Variants in SBF2 observed in about 807,000 individuals in gnomAD.
SBF2 encodes myotubularin-related protein 13.
SBF2 carries 112 observed loss-of-function variants against 225.2 expected under a neutral mutation model. That is an observed-to-expected ratio of 0.50 (90% CI 0.43 to 0.58). The LOEUF (loss-of-function observed/expected upper bound fraction) is 0.58, where lower values mean the gene tolerates loss of function less well. SBF2 is among the 20% of genes least tolerant of loss of function. SBF2 has a pLI of 0.00. For synonymous variants in SBF2, 763 were observed against 773.3 expected (o/e 0.99, Z 0.22); for missense variants, 1,996 against 2,206.2 (o/e 0.90, Z 1.91).
intron 1 of SBF2, among the ~76,000 whole-genome samples, chr11:10,228,969 A>G (rs1958702728): frequency 6.6e-6 from 1 of 151,866 alleles, no homozygotes; most frequent in Admixed American, 6.6e-5. Flanking sequence ...TTTGGTTGGT[A>G]AGCTATTAAT....
chr11:9,860,261 G>GTT (rs66485704), intron 17 of SBF2, among the ~76,000 whole-genome samples: 12,523 of 127,304 alleles, frequency 0.098, 850 homozygotes, highest in Middle Eastern at 0.15. Flanking sequence ...TTTTGAAACA[G>GTT]TTTTTTTTTT....
intron 1 of SBF2, among the ~76,000 whole-genome samples, chr11:10,228,867 G>T (rs1296803495): frequency 1.3e-5 from 2 of 152,002 alleles, no homozygotes; most frequent in South Asian, 2.1e-4. Context: ...TTTTTCCATT[G>T]ATTGGAATAG....
At chr11:10,006,749 A>G (rs769151543) in intron 6 of SBF2, among the ~76,000 whole-genome samples, 1 of 152,172 alleles carries the variant, frequency 6.6e-6, no homozygotes, top group Non-Finnish European at 1.5e-5. Flanking sequence ...CCATTTCTCT[A>G]ATCACTTCCA....
chr11:9,986,797 A>G (rs1032525285), intron 13 of SBF2, among the ~76,000 whole-genome samples: 6 of 152,018 alleles, frequency 3.9e-5, no homozygotes, highest in African/African-American at 1.4e-4. Flanking sequence ...AATTACCAAC[A>G]AAAAAAAGTC....
At chr11:9,923,724 C>G (rs572272743) in intron 16 of SBF2, among the ~76,000 whole-genome samples, 1 of 152,234 alleles carries the variant, frequency 6.6e-6, no homozygotes, top group African/African-American at 2.4e-5. Context: ...AATGTAACCC[C>G]TTATTGGCAA....
intron 2 of SBF2, among the ~76,000 whole-genome samples, chr11:10,058,325 G>A (rs1445901862): frequency 6.6e-6 from 1 of 152,108 alleles, no homozygotes; most frequent in Non-Finnish European, 1.5e-5. Context: ...GAACCTAACA[G>A]GTCTGATAGA....
At chr11:10,196,078 C>G (rs1433871853) in intron 1 of SBF2, among the ~76,000 whole-genome samples, 3 of 152,172 alleles carry the variant, frequency 2.0e-5, no homozygotes, top group Admixed American at 2.0e-4. Flanking sequence ...ATCGTAAGCT[C>G]AATGATAGAA....
Position 9,998,249 on chromosome 11 carries a change from AC to A in SBF2, c.975+16del. 7.1e-7 allele frequency: 1 copy of A among 1,405,520 alleles called. No individual in the cohort carries two copies. The highest frequency in any genetic ancestry group is 2.3e-5 in the East Asian group (1 of 43,790). The allele number at this position is 1,405,520 out of a possible 1,614,324, so 87.1% of individuals were successfully genotyped here. A position where few individuals can be genotyped will look rare whatever the true frequency, so the allele number is the denominator to read the frequency against. On this transcript the variant is annotated intron_variant, in intron 9 of 39. Transcript: ENST00000256190. ...TTTAAATAAAGAGAAAGTTACTATT[AC>A]AAAAATATGTCATACCAAAGAAAGA... is the stretch of plus-strand genomic sequence containing the variant.
At chr11:10,063,475 A>G (rs1048319733) in intron 2 of SBF2, among the ~76,000 whole-genome samples, 2 of 151,148 alleles carry the variant, frequency 1.3e-5, no homozygotes, top group East Asian at 1.9e-4. Flanking sequence ...CTCCTGCCTC[A>G]GCCTCCCGAG....
intron 2 of SBF2, among the ~76,000 whole-genome samples, chr11:10,083,790 G>A (rs1951453728): frequency 6.6e-6 from 1 of 151,970 alleles, no homozygotes; most frequent in Admixed American, 6.6e-5. Context: ...AGAAAACGTA[G>A]GAAAAACTCT....
intron 13 of SBF2, among the ~76,000 whole-genome samples, chr11:9,979,809 T>G (rs1246114214): frequency 6.7e-6 from 1 of 148,602 alleles, no homozygotes; most frequent in Non-Finnish European, 1.5e-5. Context: ...ATTAAATTCA[T>G]CTTTTTTTTT....
At chr11:10,185,472 G>C (rs190144434) in intron 2 of SBF2, among the ~76,000 whole-genome samples, 166 of 151,998 alleles carry the variant, frequency 1.1e-3, no homozygotes, top group African/African-American at 3.9e-3. Context: ...GCTTTTTTTA[G>C]AGTTGGAATC....
At chr11:10,270,015 TA>T (rs1198667610) in intron 1 of SBF2, among the ~76,000 whole-genome samples, 1 of 152,174 alleles carries the variant, frequency 6.6e-6, no homozygotes, top group Non-Finnish European at 1.5e-5. Context: ...AAAATCTGGC[TA>T]GAACAATTCA....
In SBF2 at chr11:9,780,004, T is replaced by C. The variant is rs1851911483; in HGVS notation, c.*414A>G. On this transcript the variant is annotated 3_prime_UTR_variant, in exon 40 of 40. Coordinates refer to ENST00000256190, the MANE Select transcript of SBF2 (RefSeq NM_030962.4). ...CTAGTCCAGGTAGAATATGAGACAA[T>C]CTTGGAGGGTTTTGATTTTTGCTTG... 4 of 280,728 alleles carry C rather than the reference T, an allele frequency of 1.4e-5. No individual in the cohort carries two copies. The South Asian group carries it at 1.6e-4, about 11-fold the overall frequency. The allele number at this position is 280,728 out of a possible 1,614,324, so 17.4% of individuals were successfully genotyped here.
rs1964355306 is a variant in SBF2 at position 10,294,062 on chromosome 11, C to T, written c.8G>A (p.Arg3Gln). The change falls in exon 1 of 40, where the codon CGG becomes CAG. Residue 3 changes from arginine (R) to glutamine (Q), a missense_variant. Arg to Gln is a conservative substitution (Grantham distance 43). Coordinates refer to ENST00000256190, the MANE Select transcript of SBF2 (RefSeq NM_030962.4). ...TACCACGATGAAGTAGTCAGCCAGC[C>T]GGGCCATGGCCGCCGCCGCCGCGCT... Reference protein sequence around the residue: MARLADYFIVVGY... With the variant: MAQLADYFIVVGY... 3 of 1,385,632 alleles carry T rather than the reference C, an allele frequency of 2.2e-6. No individual in the cohort carries two copies. Among genetic ancestry groups the T allele is most frequent in the African/African-American group, 1.5e-5 (1 of 66,374 alleles). The allele number at this position is 1,385,632 out of a possible 1,614,324, so 85.8% of individuals were successfully genotyped here. A position where few individuals can be genotyped will look rare whatever the true frequency, so the allele number is the denominator to read the frequency against.
intron 16 of SBF2, among the ~76,000 whole-genome samples, chr11:9,956,084 T>G (rs762621523): frequency 1.3e-5 from 2 of 152,154 alleles, no homozygotes; most frequent in Non-Finnish European, 2.9e-5. Flanking sequence ...TTCATCTACA[T>G]CATCCTTTGT....
chr11:9,938,481 A>AG (rs1156382985), intron 16 of SBF2, among the ~76,000 whole-genome samples: 1 of 151,842 alleles, frequency 6.6e-6, no homozygotes, highest in Non-Finnish European at 1.5e-5. Context: ...AAAAAAAAAA[A>AG]TCAATGTAGG....
At chr11:9,879,803 G>T (rs970604542) in intron 17 of SBF2, among the ~76,000 whole-genome samples, 2 of 151,938 alleles carry the variant, frequency 1.3e-5, no homozygotes, top group Non-Finnish European at 2.9e-5. Context: ...TCAGGATGAG[G>T]CCAGGCTTGG....
chr11:10,236,880 C>G (rs986165231), intron 1 of SBF2, among the ~76,000 whole-genome samples: 3 of 152,034 alleles, frequency 2.0e-5, no homozygotes, highest in African/African-American at 7.3e-5. Flanking sequence ...AATAGAAAAG[C>G]TGGATAAATC....
Sources: gnomAD v4.1 joint callset for allele counts (sites outside exome capture counted in the v4.1 genomes callset) on GRCh38, gnomAD v4.1.1 for gene constraint, MANE v1.5 for transcripts, NCBI Gene and HGNC (gene_info 2026-07-23, HGNC 2026-07-21) for gene names.